HAAO: variants seen among roughly 807,000 people sequenced by gnomAD.
The protein encoded by HAAO is 3-hydroxyanthranilate 3,4-dioxygenase.
Under a neutral mutation model 46.2 loss-of-function variants are expected in HAAO, and 49 were observed. The ratio of observed to expected loss-of-function variants is 1.06; its 90% CI spans 0.84 to 1.34. The LOEUF (loss-of-function observed/expected upper bound fraction) is 1.34. Ranked by LOEUF, HAAO falls within the 40% of genes most tolerant of loss-of-function variation. The pLI is 0.00. For synonymous variants in HAAO, 157 were observed against 145.2 expected (o/e 1.08, Z -0.58); for missense variants, 408 against 364.5 (o/e 1.12, Z -0.97).
chr2:42,778,911 C>T (rs552314179), intron 4 of HAAO, among the ~76,000 whole-genome samples: 69 of 152,044 alleles, frequency 4.5e-4, no homozygotes, highest in African/African-American at 1.4e-3. Context: ...GTCAGGAGTT[C>T]GAGACCAGCT....
In HAAO at chr2:42,767,822, C is replaced by T. The variant is rs999495153; in HGVS notation, c.699+38G>A. 3.1e-6 allele frequency: 5 copies of T among 1,602,506 alleles called. No homozygotes were observed. The African/African-American group carries it at 6.7e-5, about 21-fold the overall frequency. On this transcript the variant is annotated intron_variant, in intron 8 of 9. Transcript: ENST00000294973. ...CGAGGAGCGGGCTGATGCCCTCTGG[C>T]AGGGGGTTCTGCAACCCTGTCCCTG...
At position 42,792,474 on chromosome 2, in the gene HAAO, C is replaced by G. The variant is rs200356053; in HGVS notation, c.63G>C (p.Pro21=). The part of the protein sequence containing the change: ...VKENRGSFQP[P]VCNKLMHQEQ... ...GGACTCACATGAGCTTGTTGCAGACCGGGGGCTGGAAGGAGCCCCGGTTCT... is the reference window on the plus strand; with the variant it reads ...GGACTCACATGAGCTTGTTGCAGACGGGGGGCTGGAAGGAGCCCCGGTTCT... Residue 21 remains proline (P), a synonymous_variant, in exon 1 of 10, where the codon CCG becomes CCC. Coordinates refer to ENST00000294973, the MANE Select transcript of HAAO (RefSeq NM_012205.3). 1.8e-5 allele frequency: 28 copies of G among 1,587,980 alleles called. No homozygotes were observed. The highest frequency in any genetic ancestry group is 3.4e-4 in the Middle Eastern group (2 of 5,968).
chr2:42,792,072 C>A (rs1200866767), intron 1 of HAAO, among the ~76,000 whole-genome samples: 1 of 152,144 alleles, frequency 6.6e-6, no homozygotes, highest in Non-Finnish European at 1.5e-5. Flanking sequence ...TTGGCTGCCC[C>A]CAGGCCTACA....
chr2:42,788,777 G>C (rs1202628008), intron 1 of HAAO, among the ~76,000 whole-genome samples, 170 bp from the exon 2 acceptor site: 2 of 152,206 alleles, frequency 1.3e-5, no homozygotes, highest in South Asian at 2.1e-4. Context: ...ATGCCTGCGT[G>C]CATCTAAGTG....
At chr2:42,768,708 G>T (rs3755541) in intron 7 of HAAO, among the ~76,000 whole-genome samples, 1 of 151,662 alleles carries the variant, frequency 6.6e-6, no homozygotes, top group East Asian at 1.9e-4. Context: ...GTTCCCACAC[G>T]TGGTACAGAA....
At chr2:42,787,052 G>T (rs1347096919) in intron 2 of HAAO, among the ~76,000 whole-genome samples, 5 of 152,136 alleles carry the variant, frequency 3.3e-5, no homozygotes, top group Non-Finnish European at 7.4e-5. Context: ...CCTCAGCAGG[G>T]TGGGACCAAG....
intron 1 of HAAO, among the ~76,000 whole-genome samples, chr2:42,791,909 G>A (rs1672827857): frequency 1.8e-5 from 1 of 55,350 alleles, no homozygotes; most frequent in South Asian, 1.3e-3. Flanking sequence ...GGTGGCCTAG[G>A]GAGGGTCTGG....
At chr2:42,779,996 A>G (rs1226026801) in intron 4 of HAAO, among the ~76,000 whole-genome samples, 2 of 152,168 alleles carry the variant, frequency 1.3e-5, no homozygotes, top group Non-Finnish European at 2.9e-5. Context: ...GGAAACTCCT[A>G]TAATCCTGAT....
At chr2:42,773,609 C>T (rs1380266912) in intron 4 of HAAO, among the ~76,000 whole-genome samples, 1 of 130,662 alleles carries the variant, frequency 7.7e-6, no homozygotes, top group Non-Finnish European at 1.6e-5. Flanking sequence ...TTTTTTGAGA[C>T]GGAGTCTCAC....
Position 42,769,669 on chromosome 2 carries a change from G to A in HAAO, c.630+44C>T, listed in dbSNP as rs144024954. On this transcript the variant is annotated intron_variant, in intron 7 of 9. Coordinates refer to ENST00000294973, the MANE Select transcript of HAAO (RefSeq NM_012205.3). ...AGAGAGACTGGTTCCCATTTTCCAG[G>A]GCTGCTGTGGGAGGATGCCCCGGAT... 5.9e-3 allele frequency: 9,123 copies of A among 1,552,850 alleles called. 53 individuals carry two copies. Among genetic ancestry groups the A allele is most frequent in the Middle Eastern group, 0.011 (62 of 5,776 alleles).
intron 2 of HAAO, among the ~76,000 whole-genome samples, chr2:42,784,195 A>G (rs1214253032): frequency 6.6e-6 from 1 of 152,092 alleles, no homozygotes; most frequent in African/African-American, 2.4e-5. Flanking sequence ...GAACCCACCC[A>G]TTTACTGGGT....
chr2:42,770,356 C>T, intron 5 of HAAO, 137 bp downstream of exon 5: 2 of 874,560 alleles, frequency 2.3e-6, no homozygotes, highest in African/African-American at 1.7e-5. Context: ...GGCTGCTGCT[C>T]CCCCCTCCCC....
chr2:42,770,051 C>T, intron 6 of HAAO, 92 bp downstream of exon 6: 1 of 1,283,882 alleles, frequency 7.8e-7, no homozygotes, highest in Non-Finnish European at 1.1e-6. Flanking sequence ...GCAGAGTATT[C>T]AAAAAGAGAC....
At chr2:42,782,373 C>G (rs1672064916) in intron 4 of HAAO, among the ~76,000 whole-genome samples, 1 of 152,092 alleles carries the variant, frequency 6.6e-6, no homozygotes, top group African/African-American at 2.4e-5. Context: ...TTCTCCCTTC[C>G]TCCCCCTATT....
chr2:42,791,318 C>T (rs13027051), intron 1 of HAAO, among the ~76,000 whole-genome samples: 20,230 of 152,018 alleles, frequency 0.13, 1,925 homozygotes, highest in East Asian at 0.53. Flanking sequence ...GGGAGAGGCC[C>T]GGGCAGATGG....
chr2:42,787,429 T>A (rs924927999), intron 2 of HAAO, among the ~76,000 whole-genome samples: 3 of 152,052 alleles, frequency 2.0e-5, no homozygotes, highest in Admixed American at 6.5e-5. Context: ...CTCAGTATAG[T>A]TTTAGATTTT....
At chr2:42,784,236 A>G (rs892603566) in intron 2 of HAAO, among the ~76,000 whole-genome samples, 1 of 152,170 alleles carries the variant, frequency 6.6e-6, no homozygotes, top group South Asian at 2.1e-4. Context: ...CTTTTCCACC[A>G]GAAACCTTCA....
chr2:42,771,233 A>C (rs1284137387), intron 4 of HAAO, among the ~76,000 whole-genome samples: 1 of 141,688 alleles, frequency 7.1e-6, no homozygotes, highest in East Asian at 1.9e-4. Flanking sequence ...TAATAATAAT[A>C]AATAAATACA....
chr2:42,788,815 G>T (rs1452767536), intron 1 of HAAO, among the ~76,000 whole-genome samples: 1 of 152,236 alleles, frequency 6.6e-6, no homozygotes, highest in Admixed American at 6.5e-5. Flanking sequence ...GTGTCTGTGT[G>T]TCTGTCTGTC....
Sources: gnomAD v4.1 joint callset for allele counts (sites outside exome capture counted in the v4.1 genomes callset) on GRCh38, gnomAD v4.1.1 for gene constraint, MANE v1.5 for transcripts, NCBI Gene and HGNC (gene_info 2026-07-23, HGNC 2026-07-21) for gene names.